ADAMTSL1: variants seen among roughly 807,000 people sequenced by gnomAD.
The protein encoded by ADAMTSL1 is ADAMTS-like protein 1.
A neutral mutation model predicts 201.8 loss-of-function variants in ADAMTSL1; 126 were observed. The ratio of observed to expected loss-of-function variants is 0.62; its 90% CI spans 0.54 to 0.72. The LOEUF (loss-of-function observed/expected upper bound fraction) is 0.72, where lower values mean the gene tolerates loss of function less well. Among genes scored for constraint, ADAMTSL1 ranks in the 30% least tolerant of loss-of-function variants. ADAMTSL1 has a pLI of 0.00. For synonymous variants in ADAMTSL1, 1,121 were observed against 903.4 expected (o/e 1.24, Z -4.32); for missense variants, 2,679 against 2,277.8 (o/e 1.18, Z -3.59).
At chr9:18,289,816 C>T (rs1444992519) in intron 2 of ADAMTSL1, among the ~76,000 whole-genome samples, 1 of 152,158 alleles carries the variant, frequency 6.6e-6, no homozygotes, top group African/African-American at 2.4e-5. Context: ...ACTTTCTTCT[C>T]TTGACTTCTC....
chr9:18,559,264 A>G (rs1402107650), intron 3 of ADAMTSL1, among the ~76,000 whole-genome samples: 1 of 151,980 alleles, frequency 6.6e-6, no homozygotes, highest in Non-Finnish European at 1.5e-5. Context: ...TAAATAGGGA[A>G]CCCTTTCACT....
intron 3 of ADAMTSL1, among the ~76,000 whole-genome samples, chr9:18,539,620 A>G (rs1820005304): frequency 6.6e-6 from 1 of 152,208 alleles, no homozygotes; most frequent in African/African-American, 2.4e-5. Flanking sequence ...CATCTTCGTA[A>G]AGCTGGGTTT....
At chr9:18,320,101 A>AG (rs1834560827) in intron 2 of ADAMTSL1, among the ~76,000 whole-genome samples, 1 of 152,176 alleles carries the variant, frequency 6.6e-6, no homozygotes, top group Admixed American at 6.5e-5. Flanking sequence ...TGAAAATGCA[A>AG]GGGACTGATT....
intron 2 of ADAMTSL1, among the ~76,000 whole-genome samples, chr9:18,283,108 ATTTG>A (rs1230291790): frequency 1.3e-5 from 2 of 151,896 alleles, no homozygotes; most frequent in Admixed American, 6.6e-5. Flanking sequence ...TTTTTGCTTC[ATTTG>A]TTTGGTTGCT....
intron 1 of ADAMTSL1, among the ~76,000 whole-genome samples, chr9:18,491,110 T>G (rs1201162679): frequency 6.6e-6 from 1 of 152,198 alleles, no homozygotes; most frequent in Non-Finnish European, 1.5e-5. Context: ...TGTGTGAAAT[T>G]GATTTCTGAG....
rs1491254819 is a variant in ADAMTSL1 at position 18,825,579 on chromosome 9, CTT to C, written c.3935-701_3935-700del. ...TATTTTAACGTTGTATAGCTTTGCA[CTT>C]TTTATTAAAATATATCTATACAGAA... On this transcript the variant is annotated intron_variant, in intron 21 of 28. Transcript: ENST00000380548. 7.2e-5 allele frequency among the ~76,000 whole-genome samples: 11 copies of C among 152,218 alleles called. No individual in the cohort carries two copies. The East Asian group carries it at 2.1e-3, about 29-fold the overall frequency.
chr9:18,312,067 C>T (rs1010993103), intron 2 of ADAMTSL1, among the ~76,000 whole-genome samples: 1 of 152,134 alleles, frequency 6.6e-6, no homozygotes, highest in Non-Finnish European at 1.5e-5. Flanking sequence ...AGAAAATGTG[C>T]AGTATTCAGG....
chr9:18,383,535 T>G (rs1215533375), intron 2 of ADAMTSL1, among the ~76,000 whole-genome samples: 1 of 151,944 alleles, frequency 6.6e-6, no homozygotes, highest in African/African-American at 2.4e-5. Flanking sequence ...TTTTTTAAAG[T>G]GATAATTACT....
intron 3 of ADAMTSL1, among the ~76,000 whole-genome samples, chr9:18,541,661 C>T (rs879041722): frequency 1.3e-5 from 2 of 152,186 alleles, no homozygotes; most frequent in East Asian, 3.8e-4. Flanking sequence ...CCTGAGCTGC[C>T]ACTTACCAGT....
chr9:18,360,273 C>G (rs1306823045), intron 2 of ADAMTSL1, among the ~76,000 whole-genome samples: 1 of 152,094 alleles, frequency 6.6e-6, no homozygotes, highest in Admixed American at 6.6e-5. Context: ...GGAATAGTAA[C>G]TTGAAGACAC....
chr9:18,094,309 C>T (rs554999954), intron 1 of ADAMTSL1, among the ~76,000 whole-genome samples: 3 of 152,272 alleles, frequency 2.0e-5, no homozygotes, highest in South Asian at 2.1e-4. Context: ...TAAAACTAGT[C>T]GGCTTTATCT....
rs372941164 is a variant in ADAMTSL1 at position 18,847,773 on chromosome 9, A to G, written c.4249+17796A>G. Among the ~76,000 whole-genome samples, 23 of 152,366 alleles carry G rather than the reference A, an allele frequency of 1.5e-4. 1 individual carries two copies. The highest frequency in any genetic ancestry group is 9.1e-4 in the Admixed American group (14 of 15,310). ...CAACAAAAAGGCCAGTGTGGCCACA[A>G]TGAGGTAACAGAGGGAGTACACAGA... On this transcript the variant is annotated intron_variant, in intron 23 of 28. Transcript: ENST00000380548.
intron 3 of ADAMTSL1, among the ~76,000 whole-genome samples, chr9:18,566,588 G>A (rs545127008): frequency 3.3e-5 from 5 of 152,240 alleles, no homozygotes; most frequent in African/African-American, 9.6e-5. Context: ...GAGGTAATTC[G>A]CTCCTCAGAA....
chr9:18,763,599 T>C (rs534156697), intron 16 of ADAMTSL1, among the ~76,000 whole-genome samples: 1 of 152,306 alleles, frequency 6.6e-6, no homozygotes, highest in African/African-American at 2.4e-5. Flanking sequence ...TTTTTTTTTG[T>C]AGTAGCCTCT....
At chr9:18,183,233 A>G (rs757146753) in intron 2 of ADAMTSL1, among the ~76,000 whole-genome samples, 10 of 152,206 alleles carry the variant, frequency 6.6e-5, no homozygotes, top group South Asian at 4.1e-4. Flanking sequence ...AATTAATTCA[A>G]AATGGATTAT....
intron 1 of ADAMTSL1, among the ~76,000 whole-genome samples, chr9:18,112,781 T>A (rs375619101): frequency 6.6e-6 from 1 of 152,198 alleles, no homozygotes; most frequent in African/African-American, 2.4e-5. Flanking sequence ...GTAAATGTTA[T>A]GAAGGCAGAG....
intron 26 of ADAMTSL1, among the ~76,000 whole-genome samples, chr9:18,899,200 G>C (rs1470171098): frequency 6.6e-6 from 1 of 152,068 alleles, no homozygotes; most frequent in Admixed American, 6.6e-5. Flanking sequence ...ATTCACAATT[G>C]CTACAAAAAG....
intron 1 of ADAMTSL1, among the ~76,000 whole-genome samples, chr9:17,949,752 C>G (rs80083015): frequency 6.6e-6 from 1 of 152,152 alleles, no homozygotes; most frequent in African/African-American, 2.4e-5. Flanking sequence ...CCCACAGCAA[C>G]ATGTGCAACT....
At chr9:18,083,732 C>T (rs749900265) in intron 1 of ADAMTSL1, among the ~76,000 whole-genome samples, 7 of 152,174 alleles carry the variant, frequency 4.6e-5, no homozygotes, top group East Asian at 1.9e-4. Flanking sequence ...GTCCATAAGA[C>T]GTACATAATG....
Sources: allele counts gnomAD v4.1 joint callset (sites outside exome capture counted in the v4.1 genomes callset), GRCh38; gene constraint gnomAD v4.1.1; transcripts MANE v1.5; gene names NCBI Gene and HGNC (gene_info 2026-07-23, HGNC 2026-07-21).